The following CALN1 variants were observed in gnomAD, a reference collection of about 807,000 sequenced individuals.
The protein encoded by CALN1 is calneuron 1.
In CALN1, 17 loss-of-function variants were observed where a neutral mutation model predicts 30.6. The ratio of observed to expected loss-of-function variants is 0.56; its 90% CI spans 0.38 to 0.83. The LOEUF (loss-of-function observed/expected upper bound fraction) is 0.83. Among genes scored for constraint, CALN1 ranks in the 40% least tolerant of loss-of-function variants. The pLI, the probability that CALN1 is intolerant of heterozygous loss-of-function variation, is 0.00. For missense variants in CALN1, 291 were observed against 354.9 expected (o/e 0.82, Z 1.45); for synonymous variants, 156 against 131.4 (o/e 1.19, Z -1.28).
intron 4 of CALN1, among the ~76,000 whole-genome samples, chr7:72,045,360 C>T (rs1039824133): frequency 7.2e-5 from 11 of 152,204 alleles, no homozygotes; most frequent in African/African-American, 2.7e-4. Flanking sequence ...AGTCTGGCAT[C>T]TTGTCCCCCT....
intron 3 of CALN1, among the ~76,000 whole-genome samples, chr7:72,134,579 AC>A (rs1487934156): frequency 2.0e-5 from 3 of 152,196 alleles, no homozygotes; most frequent in African/African-American, 7.2e-5. Flanking sequence ...TTAAAAATGT[AC>A]TTTTATTTAA....
chr7:72,224,978 G>C (rs1346720760), intron 3 of CALN1, among the ~76,000 whole-genome samples: 1 of 151,630 alleles, frequency 6.6e-6, no homozygotes, highest in East Asian at 2.0e-4. Context: ...GGCACCTGTA[G>C]TCCCAGCTAC....
chr7:72,118,599 G>T (rs1808159896), intron 3 of CALN1, among the ~76,000 whole-genome samples: 1 of 152,188 alleles, frequency 6.6e-6, no homozygotes, highest in Non-Finnish European at 1.5e-5. Context: ...AAAGAACAAA[G>T]CAAATTAGAA....
rs1234034417 is a variant in CALN1 at position 72,165,503 on chromosome 7, G to A, written c.245-59209C>T. Among the ~76,000 whole-genome samples the A allele has an allele frequency of 7.2e-5, 11 of 151,790 alleles. No individual in the cohort carries two copies. In the East Asian group the frequency reaches 1.5e-3, roughly 21 times the overall value. ...AGAATCGCTTAAACCCAGGAGGATC[G>A]CTTAAACCCAGGACGCAGAGTATGC... On this transcript the variant is annotated intron_variant, in intron 3 of 6. Coordinates refer to ENST00000395275, the MANE Select transcript of CALN1 (RefSeq NM_031468.4).
chr7:72,106,274 C>A lies in CALN1; in HGVS notation c.265G>T (p.Val89Phe). Residue 89 changes from valine to phenylalanine, a missense_variant, in exon 4 of 7, where the codon GTT becomes TTT. Val to Phe is a conservative substitution (Grantham distance 50). Transcript: ENST00000395275. ...ELDEIREAFR[V>F]LDRDGNGFIS... ...AAGCCGTTCCCATCCCGGTCCAGAA[C>A]CCGAAAGGCCTCTCGGATTTCTACA... 1 of 1,614,066 alleles carries A rather than the reference C, an allele frequency of 6.2e-7. No individual in the cohort carries two copies. Among genetic ancestry groups the A allele is most frequent in the Non-Finnish European group, 8.5e-7 (1 of 1,180,024 alleles).
chr7:71,927,641 T>G (rs1306956053), intron 5 of CALN1, among the ~76,000 whole-genome samples: 1 of 152,168 alleles, frequency 6.6e-6, no homozygotes, highest in South Asian at 2.1e-4. Flanking sequence ...GGTCCCTTTT[T>G]TATGCTCTTC....
chr7:71,988,698 T>C (rs1244111656), intron 5 of CALN1, among the ~76,000 whole-genome samples: 1 of 151,910 alleles, frequency 6.6e-6, no homozygotes, highest in Non-Finnish European at 1.5e-5. Flanking sequence ...GAGAATGAGA[T>C]CCAGGCACAG....
intron 5 of CALN1, among the ~76,000 whole-genome samples, chr7:71,904,876 T>C (rs747980961): frequency 7.4e-4 from 113 of 152,350 alleles, no homozygotes; most frequent in South Asian, 1.7e-3. Flanking sequence ...GTGGAATGTG[T>C]AACAATATAC....
At chr7:72,165,765 T>C (rs1050128088) in intron 3 of CALN1, among the ~76,000 whole-genome samples, 18 of 151,708 alleles carry the variant, frequency 1.2e-4, no homozygotes, top group African/African-American at 3.4e-4. Flanking sequence ...TTGAGGAAGG[T>C]TGAGTGTATA....
intron 5 of CALN1, among the ~76,000 whole-genome samples, chr7:71,876,948 CT>C (rs1792280838): frequency 6.6e-6 from 1 of 152,146 alleles, no homozygotes; most frequent in Non-Finnish European, 1.5e-5. Context: ...TGTGTTTTAG[CT>C]TATCAGACTT....
intron 5 of CALN1, among the ~76,000 whole-genome samples, chr7:71,875,704 T>C (rs1792202507): frequency 6.6e-6 from 1 of 152,174 alleles, no homozygotes; most frequent in South Asian, 2.1e-4. Context: ...TGTCACTGTC[T>C]TTCTAAAGTG....
intron 3 of CALN1, among the ~76,000 whole-genome samples, chr7:72,113,938 T>C (rs1436936180): frequency 1.3e-5 from 2 of 151,928 alleles, no homozygotes; most frequent in East Asian, 1.9e-4. Flanking sequence ...TCACAGAGTC[T>C]AAGGGGAAGA....
chr7:72,081,323 C>T (rs844741), intron 4 of CALN1, among the ~76,000 whole-genome samples: 118,305 of 151,844 alleles, frequency 0.78, 47,113 homozygotes, highest in East Asian at 1. Context: ...AATTCAATTA[C>T]GGTTAGAATT....
At chr7:71,874,657 C>T (rs1792138524) in intron 5 of CALN1, among the ~76,000 whole-genome samples, 1 of 152,046 alleles carries the variant, frequency 6.6e-6, no homozygotes, top group South Asian at 2.1e-4. Flanking sequence ...TCTGTGATTC[C>T]CCGGGGCTAG....
chr7:72,257,869 A>G (rs1465010141), intron 3 of CALN1, among the ~76,000 whole-genome samples: 1 of 152,222 alleles, frequency 6.6e-6, no homozygotes, highest in African/African-American at 2.4e-5. Flanking sequence ...TCAGGAAGGG[A>G]AAGCAAATAC....
intron 5 of CALN1, among the ~76,000 whole-genome samples, chr7:71,825,256 GTTCC>G (rs2116357356): frequency 6.6e-6 from 1 of 152,278 alleles, no homozygotes; most frequent in South Asian, 2.1e-4. Flanking sequence ...TTGAATTGTA[GTTCC>G]CATAATTCCT....
chr7:72,056,315 C>G (rs2129536588), intron 4 of CALN1, among the ~76,000 whole-genome samples: 1 of 151,880 alleles, frequency 6.6e-6, no homozygotes, highest in Non-Finnish European at 1.5e-5. Context: ...GTAATAAAAT[C>G]TATTATAAAA....
chr7:71,963,317 C>G (rs1399214408), intron 5 of CALN1, among the ~76,000 whole-genome samples: 4 of 151,976 alleles, frequency 2.6e-5, no homozygotes, highest in Non-Finnish European at 5.9e-5. Context: ...TGCACGCCAC[C>G]ACGCCCGGCT....
chr7:72,119,630 G>T (rs1193829511), intron 3 of CALN1, among the ~76,000 whole-genome samples: 1 of 146,756 alleles, frequency 6.8e-6, no homozygotes, highest in Non-Finnish European at 1.5e-5. Context: ...GGGGTTTAAT[G>T]GACTCACAGA....
Sources: allele counts gnomAD v4.1 joint callset (sites outside exome capture counted in the v4.1 genomes callset), GRCh38; gene constraint gnomAD v4.1.1; transcripts MANE v1.5; gene names NCBI Gene and HGNC (gene_info 2026-07-23, HGNC 2026-07-21).